EFNA5: variants seen among roughly 807,000 people sequenced by gnomAD.
The protein encoded by EFNA5 is ephrin-A5.
Under a neutral mutation model 22.9 loss-of-function variants are expected in EFNA5, and 5 were observed. The ratio of observed to expected loss-of-function variants is 0.22; its 90% CI spans 0.11 to 0.46. The LOEUF is 0.46. Among genes scored for constraint, EFNA5 ranks in the 20% least tolerant of loss-of-function variants. The pLI is 0.99. For missense variants in EFNA5, 237 were observed against 293.3 expected (o/e 0.81, Z 1.40); for synonymous variants, 113 against 112.2 (o/e 1.01, Z -0.04).
At chr5:107,388,190 G>C (rs900887831) in intron 2 of EFNA5, among the ~76,000 whole-genome samples, 51 of 152,218 alleles carry the variant, frequency 3.4e-4, no homozygotes, top group African/African-American at 1.1e-3. Context: ...TGAAAGTGCC[G>C]GCAAAAACCA....
chr5:107,597,251 A>C (rs1164519655), intron 1 of EFNA5, among the ~76,000 whole-genome samples: 6 of 152,222 alleles, frequency 3.9e-5, no homozygotes, highest in South Asian at 2.1e-4. Flanking sequence ...TGTCCTATAT[A>C]TCTACATACC....
chr5:107,470,843 C>CA (rs1328594975), intron 1 of EFNA5, among the ~76,000 whole-genome samples: 8 of 150,504 alleles, frequency 5.3e-5, no homozygotes, highest in Non-Finnish European at 1.0e-4. Context: ...CCAGCCTAGG[C>CA]AAAATAGCAA....
At chr5:107,633,835 A>T (rs997620799) in intron 1 of EFNA5, among the ~76,000 whole-genome samples, 5 of 152,158 alleles carry the variant, frequency 3.3e-5, no homozygotes, top group African/African-American at 1.2e-4. Context: ...ACTAGCTAAG[A>T]ATCACAGGCC....
intron 1 of EFNA5, among the ~76,000 whole-genome samples, chr5:107,491,923 C>T (rs1297678088): frequency 2.0e-5 from 3 of 152,164 alleles, no homozygotes; most frequent in Non-Finnish European, 4.4e-5. Flanking sequence ...CAACCTCCGC[C>T]TCCAGGGATC....
chr5:107,564,096 G>A (rs1001851969), intron 1 of EFNA5, among the ~76,000 whole-genome samples: 1 of 152,152 alleles, frequency 6.6e-6, no homozygotes, highest in Non-Finnish European at 1.5e-5. Flanking sequence ...GGGATGGGCA[G>A]GGGCTGGGCA....
chr5:107,617,498 C>T (rs532758955), intron 1 of EFNA5, among the ~76,000 whole-genome samples: 2 of 152,214 alleles, frequency 1.3e-5, no homozygotes, highest in East Asian at 3.9e-4. Context: ...GCACCACCAC[C>T]CAATGCTCAC....
chr5:107,588,763 A>G (rs1749248819), intron 1 of EFNA5, among the ~76,000 whole-genome samples: 1 of 152,232 alleles, frequency 6.6e-6, no homozygotes, highest in Non-Finnish European at 1.5e-5. Context: ...GAATGTAGAG[A>G]GGGATAGGAA....
intron 1 of EFNA5, among the ~76,000 whole-genome samples, chr5:107,434,588 T>C (rs1289572262): frequency 1.9e-4 from 29 of 152,220 alleles, no homozygotes. Flanking sequence ...TTAGCATATG[T>C]TGCTGGCACA....
chr5:107,482,308 C>A (rs1391771594), intron 1 of EFNA5, among the ~76,000 whole-genome samples: 187 of 137,116 alleles, frequency 1.4e-3, no homozygotes, highest in African/African-American at 1.3e-3. Context: ...GATCTTGTCT[C>A]AAAAAAAAAA....
intron 2 of EFNA5, among the ~76,000 whole-genome samples, chr5:107,394,146 T>A (rs1195843402): frequency 6.6e-6 from 1 of 152,194 alleles, no homozygotes; most frequent in African/African-American, 2.4e-5. Flanking sequence ...ATTCTAACTT[T>A]TGGGATTTAA....
At chr5:107,603,271 AT>A (rs1749643522) in intron 1 of EFNA5, among the ~76,000 whole-genome samples, 2 of 152,294 alleles carry the variant, frequency 1.3e-5, no homozygotes, top group South Asian at 2.1e-4. Context: ...TTTTAATGGA[AT>A]TTTCCCCCAT....
At chr5:107,461,005 T>C (rs1447582586) in intron 1 of EFNA5, among the ~76,000 whole-genome samples, 1 of 152,092 alleles carries the variant, frequency 6.6e-6, no homozygotes, top group Non-Finnish European at 1.5e-5. Flanking sequence ...AATCACAGCC[T>C]CAGGCACAAC....
At chr5:107,414,229 A>G (rs1049314095) in intron 2 of EFNA5, among the ~76,000 whole-genome samples, 2 of 152,200 alleles carry the variant, frequency 1.3e-5, no homozygotes, top group Non-Finnish European at 1.5e-5. Context: ...CAGACAGATC[A>G]CGAAATTTGG....
intron 1 of EFNA5, among the ~76,000 whole-genome samples, chr5:107,577,160 T>A (rs1040904866): frequency 5.9e-5 from 9 of 152,170 alleles, no homozygotes; most frequent in African/African-American, 2.2e-4. Flanking sequence ...CTAACATAAT[T>A]GCCAACACAA....
intron 1 of EFNA5, among the ~76,000 whole-genome samples, chr5:107,657,101 T>C (rs1750842961): frequency 6.6e-6 from 1 of 152,136 alleles, no homozygotes; most frequent in Non-Finnish European, 1.5e-5. Context: ...CCTATTAATA[T>C]GATGACAAGT....
intron 1 of EFNA5, among the ~76,000 whole-genome samples, chr5:107,649,208 G>A (rs762875682): frequency 5.3e-5 from 8 of 152,072 alleles, no homozygotes; most frequent in Non-Finnish European, 1.0e-4. Context: ...CAGAGCAATC[G>A]ATGACTTGAT....
intron 1 of EFNA5, among the ~76,000 whole-genome samples, chr5:107,630,988 G>C (rs1464101983): frequency 2.0e-5 from 3 of 151,978 alleles, no homozygotes; most frequent in African/African-American, 7.3e-5. Context: ...AAGTCTTCAG[G>C]AGCAATAACA....
chr5:107,625,376 C>A (rs1750121598), intron 1 of EFNA5, among the ~76,000 whole-genome samples: 1 of 151,516 alleles, frequency 6.6e-6, no homozygotes. Flanking sequence ...CCAATTTCTC[C>A]CAATATATAT....
chr5:107,662,368 G>A (rs756294919), intron 1 of EFNA5, among the ~76,000 whole-genome samples: 12 of 152,162 alleles, frequency 7.9e-5, no homozygotes, highest in Non-Finnish European at 1.6e-4. Flanking sequence ...GGCTAAGTCA[G>A]GTTACTTTTG....
Sources: gnomAD v4.1 joint callset for allele counts (sites outside exome capture counted in the v4.1 genomes callset) on GRCh38, gnomAD v4.1.1 for gene constraint, MANE v1.5 for transcripts, NCBI Gene and HGNC (gene_info 2026-07-23, HGNC 2026-07-21) for gene names.